Variants in TMEM132D observed in about 807,000 individuals in gnomAD.
TMEM132D encodes the protein mature OL transmembrane protein.
TMEM132D carries 21 observed loss-of-function variants against 62.3 expected under a neutral mutation model. The observed-to-expected ratio is 0.34, with a 90% CI of 0.24 to 0.49. TMEM132D has a LOEUF of 0.49. TMEM132D is among the 20% of genes least tolerant of loss of function. TMEM132D has a pLI of 0.99. For missense variants in TMEM132D, 1,346 were observed against 1,402.8 expected (o/e 0.96, Z 0.65); for synonymous variants, 621 against 575.6 (o/e 1.08, Z -1.13).
At chr12:129,746,185 G>A (rs922778190) in intron 1 of TMEM132D, among the ~76,000 whole-genome samples, 2 of 152,220 alleles carry the variant, frequency 1.3e-5, no homozygotes, top group African/African-American at 4.8e-5. Flanking sequence ...CAGTGCAAAG[G>A]GAGCACAGTA....
At chr12:129,798,465 ATTTC>A (rs147651540) in intron 1 of TMEM132D, among the ~76,000 whole-genome samples, 12,335 of 152,240 alleles carry the variant, frequency 0.081, 612 homozygotes, top group African/African-American at 0.13. Context: ...CATATTATAC[ATTTC>A]TTTAATTTTT....
chr12:129,409,500 G>A (rs1328037145), intron 3 of TMEM132D, among the ~76,000 whole-genome samples: 1 of 152,206 alleles, frequency 6.6e-6, no homozygotes, highest in African/African-American at 2.4e-5. Context: ...CGCTCTAGCA[G>A]CTAAACACAC....
intron 4 of TMEM132D, among the ~76,000 whole-genome samples, chr12:129,317,153 C>A (rs1164951261): frequency 6.6e-6 from 1 of 152,142 alleles, no homozygotes; most frequent in East Asian, 1.9e-4. Flanking sequence ...GAGGTACCCT[C>A]GCATTCATCA....
intron 3 of TMEM132D, among the ~76,000 whole-genome samples, chr12:129,386,967 C>T (rs1422499207): frequency 1.3e-5 from 2 of 152,004 alleles, no homozygotes; most frequent in Non-Finnish European, 2.9e-5. Context: ...AACACCAAAA[C>T]CACCAATGCT....
intron 1 of TMEM132D, among the ~76,000 whole-genome samples, chr12:129,726,514 A>T (rs747407262): frequency 2.0e-5 from 3 of 152,178 alleles, no homozygotes; most frequent in African/African-American, 4.8e-5. Flanking sequence ...ATGGGGTCAG[A>T]GACATGGTCA....
chr12:129,379,995 C>A (rs7308309), intron 3 of TMEM132D, among the ~76,000 whole-genome samples: 2 of 152,094 alleles, frequency 1.3e-5, no homozygotes, highest in Non-Finnish European at 2.9e-5. Context: ...GAGTGACATA[C>A]GTTTTAAGAA....
chr12:129,568,144 C>A (rs1252242183), intron 2 of TMEM132D, among the ~76,000 whole-genome samples: 2 of 152,228 alleles, frequency 1.3e-5, no homozygotes, highest in East Asian at 3.9e-4. Context: ...GATACAGCAG[C>A]TTCCTGCAAA....
At chr12:129,810,484 G>A (rs909099198) in intron 1 of TMEM132D, among the ~76,000 whole-genome samples, 4 of 151,996 alleles carry the variant, frequency 2.6e-5, no homozygotes, top group Non-Finnish European at 4.4e-5. Flanking sequence ...AGGTAATGAG[G>A]ATGGGAAATG....
At chr12:129,705,148 T>C (rs264469) in intron 1 of TMEM132D, among the ~76,000 whole-genome samples, 144,355 of 152,284 alleles carry the variant, frequency 0.95, 68,856 homozygotes, top group East Asian at 1. Context: ...CCATGTGAGA[T>C]GCACATTAGA....
chr12:129,354,315 G>GTATATA (rs35875993), intron 3 of TMEM132D, among the ~76,000 whole-genome samples: 6,455 of 147,874 alleles, frequency 0.044, 157 homozygotes, highest in Non-Finnish European at 0.049. Flanking sequence ...ACTTTATTGG[G>GTATATA]TATATATATA....
chr12:129,530,678 C>T (rs538093406), intron 3 of TMEM132D, among the ~76,000 whole-genome samples: 3 of 152,296 alleles, frequency 2.0e-5, no homozygotes, highest in Non-Finnish European at 2.9e-5. Flanking sequence ...TGAAGAGAGA[C>T]GTATAGGCTC....
At chr12:129,278,568 G>T (rs1347766489) in intron 4 of TMEM132D, among the ~76,000 whole-genome samples, 1 of 152,160 alleles carries the variant, frequency 6.6e-6, no homozygotes, top group Non-Finnish European at 1.5e-5. Context: ...CTAGGGCCAA[G>T]AAGCCATTTG....
intron 5 of TMEM132D, among the ~76,000 whole-genome samples, chr12:129,173,238 A>G (rs1877788672): frequency 6.6e-6 from 1 of 152,192 alleles, no homozygotes; most frequent in Non-Finnish European, 1.5e-5. Context: ...AATATCTTGG[A>G]AGCAGAGTAA....
intron 5 of TMEM132D, among the ~76,000 whole-genome samples, chr12:129,101,234 C>T (rs930680683): frequency 2.6e-5 from 4 of 152,188 alleles, no homozygotes; most frequent in East Asian, 1.9e-4. Flanking sequence ...TCATCCTGGC[C>T]GAGCCTCCAA....
chr12:129,490,856 C>A (rs1874769073), intron 3 of TMEM132D, among the ~76,000 whole-genome samples: 1 of 151,710 alleles, frequency 6.6e-6, no homozygotes, highest in African/African-American at 2.4e-5. Flanking sequence ...GTCTGTGCCC[C>A]CGTTTGCCAC....
intron 1 of TMEM132D, among the ~76,000 whole-genome samples, chr12:129,899,665 A>G (rs1875286550): frequency 6.6e-6 from 1 of 152,184 alleles, no homozygotes; most frequent in Non-Finnish European, 1.5e-5. Context: ...TTTGTTGTTT[A>G]CTCATTTTTT....
intron 3 of TMEM132D, among the ~76,000 whole-genome samples, chr12:129,472,755 T>C (rs7979491): frequency 0.19 from 29,055 of 152,214 alleles, 2,691 homozygotes; most frequent in Middle Eastern, 0.24. Flanking sequence ...TTCTTCAATT[T>C]TGAAAGACGT....
At chr12:129,239,697 C>G (rs1268721665) in intron 4 of TMEM132D, among the ~76,000 whole-genome samples, 1 of 152,106 alleles carries the variant, frequency 6.6e-6, no homozygotes, top group Non-Finnish European at 1.5e-5. Flanking sequence ...CCAAGGAATG[C>G]CAAAGATTGC....
chr12:129,109,251 A>G (rs1158938224), intron 5 of TMEM132D, among the ~76,000 whole-genome samples: 2 of 152,290 alleles, frequency 1.3e-5, no homozygotes, highest in East Asian at 3.9e-4. Context: ...TAGGCTCTGG[A>G]TCTGGATGTC....
Sources: gnomAD v4.1 joint callset for allele counts (sites outside exome capture counted in the v4.1 genomes callset) on GRCh38, gnomAD v4.1.1 for gene constraint, MANE v1.5 for transcripts, NCBI Gene and HGNC (gene_info 2026-07-23, HGNC 2026-07-21) for gene names.